The following POC5 variants were observed in gnomAD, a reference collection of about 807,000 sequenced individuals.
POC5 encodes centrosomal protein POC5.
A neutral mutation model predicts 62.9 loss-of-function variants in POC5; 48 were observed. The observed-to-expected ratio is 0.76, with a 90% confidence interval of 0.61 to 0.97. The LOEUF (loss-of-function observed/expected upper bound fraction) is 0.97, where lower values mean the gene tolerates loss of function less well. Among genes scored for constraint, POC5 ranks in the 50% least tolerant of loss-of-function variants. POC5 has a pLI of 0.00. For synonymous variants in POC5, 236 were observed against 228.2 expected, an observed-to-expected ratio of 1.03 and a Z score of -0.31; for missense variants, 696 against 679.5, an observed-to-expected ratio of 1.02 and a Z score of -0.27.
At chr5:75,695,863 C>A (rs1042184707) in intron 5 of POC5, among the ~76,000 whole-genome samples, 1 of 152,006 alleles carries the variant, frequency 6.6e-6, no homozygotes, top group South Asian at 2.1e-4. Context: ...ATGCACCGTG[C>A]GCGAGGTGAA....
chr5:75,677,788 G>A lies in POC5; in HGVS notation c.1570C>T (p.His524Tyr), dbSNP rs1775726253. 7 of 1,607,680 alleles carry A rather than the reference G, an allele frequency of 4.4e-6. No individual in the cohort carries two copies. Among genetic ancestry groups the A allele is most frequent in the Non-Finnish European group, 5.9e-6 (7 of 1,177,112 alleles). The change falls in exon 11 of 12, where the codon CAT (histidine) becomes TAT (tyrosine). Residue 524 changes from histidine (H) to tyrosine (Y), a missense_variant. Physicochemically the swap from His to Tyr is moderately conservative, Grantham distance 83. Transcript: ENST00000428202. ...PMSSVVVEKH[H>Y]PVTVQTIPQA... ...TGTGGACTCACCACTGTGACTGGAT[G>A]ATGTTTTTCCACAACAACTGAGCTC...
Position 75,674,589 on chromosome 5 carries a change from A to G in POC5, c.1585-11T>C. On this transcript the variant is annotated splice_polypyrimidine_tract_variant and intron_variant, in intron 11 of 11. Coordinates refer to ENST00000428202, the MANE Select transcript of POC5 (RefSeq NM_001099271.2). ...TTGAGGAATGGTTTGCTGAAAAGAC[A>G]AAATTCTGCTTTAATAATATCCCAA... The G allele has an allele frequency of 1.2e-6, 2 of 1,613,230 alleles. No homozygotes were observed. The highest frequency in any genetic ancestry group is 1.7e-6 in the Non-Finnish European group (2 of 1,179,442).
intron 7 of POC5, 146 bp from the exon 8 acceptor site, chr5:75,690,708 G>A: frequency 1.3e-6 from 1 of 793,878 alleles, no homozygotes; most frequent in Non-Finnish European, 1.9e-6. Flanking sequence ...GCATATAGGA[G>A]AACAGGCTTA....
chr5:75,680,402 T>C (rs1775823294), intron 10 of POC5, among the ~76,000 whole-genome samples: 2 of 152,078 alleles, frequency 1.3e-5, no homozygotes, highest in Admixed American at 6.6e-5. Flanking sequence ...CAGCTCAGAA[T>C]TGCTTTAGAA....
chr5:75,699,140 C>G (rs1324145818), intron 5 of POC5, among the ~76,000 whole-genome samples: 1 of 152,122 alleles, frequency 6.6e-6, no homozygotes, highest in Non-Finnish European at 1.5e-5. Flanking sequence ...ACCAGAGGTA[C>G]AAGGAAGAAC....
At chr5:75,693,963 A>G (rs1038644247) in intron 6 of POC5, among the ~76,000 whole-genome samples, 1 of 152,220 alleles carries the variant, frequency 6.6e-6, no homozygotes, top group African/African-American at 2.4e-5. Flanking sequence ...GTGTTTATCA[A>G]TAAAATGAAG....
intron 10 of POC5, among the ~76,000 whole-genome samples, chr5:75,683,642 A>G (rs1775956249): frequency 6.6e-6 from 1 of 151,998 alleles, no homozygotes; most frequent in South Asian, 2.1e-4. Context: ...TGCAGAATAC[A>G]AGTTTAACAA....
Position 75,707,841 on chromosome 5 carries a change from A to C in POC5, c.119T>G (p.Val40Gly), listed in dbSNP as rs576819318. The C allele has an allele frequency of 4.4e-6, 7 of 1,591,550 alleles. No individual in the cohort carries two copies. In the East Asian group the frequency reaches 1.6e-4, roughly 36 times the overall value. Residue 40 changes from valine to glycine, a missense_variant, in exon 3 of 12, where the codon GTG (valine) becomes GGG (glycine). Transcript: ENST00000428202. The stretch of plus-strand genomic sequence containing the variant: ...AGCACAGGGTTCAATATTTGGAGTC[A>C]CTATAGCATAATGAAGCAGTTCTTC... ...EYEELLHYAI[V>G]TPNIEPCASQ... is the part of the protein sequence containing the mutation.
At position 75,685,092 on chromosome 5, in the gene POC5, C is replaced by T. The variant is rs190040487; in HGVS notation, c.1407+115G>A. On this transcript the variant is annotated intron_variant, in intron 10 of 11. Coordinates refer to ENST00000428202, the MANE Select transcript of POC5 (RefSeq NM_001099271.2). The stretch of plus-strand genomic sequence containing the variant: ...CCGTGTTAGCCAGGATGGTCTCGAT[C>T]TCCTGACCTCGTGATCCACCTGCCT... 6,269 of 1,123,720 alleles carry T rather than the reference C, an allele frequency of 5.6e-3. 38 individuals are homozygous for T. The highest frequency in any genetic ancestry group is 7.1e-3 in the Non-Finnish European group (5,675 of 799,298). The allele number at this position is 1,123,720 out of a possible 1,614,324, so 69.6% of individuals were successfully genotyped here.
chr5:75,712,688 A>G lies in POC5; in HGVS notation c.84+166T>C, dbSNP rs1777399849. On this transcript the variant is annotated intron_variant, in intron 2 of 11. Transcript: ENST00000428202. The stretch of plus-strand genomic sequence containing the variant: ...TTTCTGAAAAGTTAAAACAATGTAA[A>G]GTCACTCCTAAAATGTGTACAGTAA... The G allele has an allele frequency of 9.6e-6, 7 of 725,538 alleles. No individual in the cohort carries two copies. In the South Asian group the frequency reaches 1.1e-4, roughly 11 times the overall value. 44.9% of individuals were successfully genotyped at this position (725,538 alleles called of 1,614,324 possible).
Position 75,689,475 on chromosome 5 carries a change from T to A in POC5, c.976-310A>T, listed in dbSNP as rs1052421035. On this transcript the variant is annotated intron_variant, in intron 8 of 11. Coordinates refer to ENST00000428202, the MANE Select transcript of POC5 (RefSeq NM_001099271.2). ...ACCATTTTTTACTGTAAAACTTTTA[T>A]GTAGGATGTTAAACAAAATACATTA... The A allele has an allele frequency of 1.1e-5, 11 of 984,116 alleles. 1 individual carries two copies. Among genetic ancestry groups the A allele is most frequent in the Non-Finnish European group, 1.2e-5 (10 of 828,828 alleles). The allele number at this position is 984,116 out of a possible 1,614,324, so 61.0% of individuals were successfully genotyped here.
At chr5:75,716,984 C>G (rs555070046) in intron 1 of POC5, among the ~76,000 whole-genome samples, 1 of 152,232 alleles carries the variant, frequency 6.6e-6, no homozygotes, top group Non-Finnish European at 1.5e-5. Context: ...TTTCTTCCAT[C>G]ACCTTCCGAC....
rs369367879 is a variant in POC5 at position 75,712,885 on chromosome 5, C to G, written c.53G>C (p.Ser18Thr). Residue 18 changes from serine (S) to threonine (T), a missense_variant, in exon 2 of 12, where the codon AGT (serine) becomes ACT (threonine). By Grantham distance (58) the Ser-to-Thr change is moderately conservative. Coordinates refer to ENST00000428202, the MANE Select transcript of POC5 (RefSeq NM_001099271.2). ...ATTCGAAGAGACAGAACTGCCTCGA[C>G]TGGAGTCATTTTGCACAACTGGAAG... ...YSLPVVQNDS[S>T]RGSSVSSNLQ... The G allele has an allele frequency of 6.2e-6, 10 of 1,612,390 alleles. No individual in the cohort carries two copies. In the African/African-American group the frequency reaches 1.2e-4, roughly 19 times the overall value.
chr5:75,697,830 G>T (rs1016223227), intron 5 of POC5, among the ~76,000 whole-genome samples: 5 of 149,402 alleles, frequency 3.3e-5, no homozygotes, highest in Non-Finnish European at 6.0e-5. Flanking sequence ...CCCATCTCAC[G>T]GGCAGAGACA....
At position 75,689,106 on chromosome 5, in the gene POC5, C is replaced by T. The variant is rs1313498885; in HGVS notation, c.1035G>A (p.Glu345=). ...CTTTTTTCATGGAATCTTCAAAGTG[C>T]TCTTTTTCATGTTGCATTCTTTGAA... The part of the protein sequence containing the change: ...AEIQRMQHEK[E]HFEDSMKKAF... The change falls in exon 9 of 12, where the codon GAG becomes GAA. Residue 345 remains glutamate (E), a synonymous_variant. Coordinates refer to ENST00000428202, the MANE Select transcript of POC5 (RefSeq NM_001099271.2). The T allele has an allele frequency of 6.3e-7, 1 of 1,593,710 alleles. No homozygotes were observed. The highest frequency in any genetic ancestry group is 2.2e-5 in the East Asian group (1 of 44,500).
intron 10 of POC5, among the ~76,000 whole-genome samples, chr5:75,679,863 TATAAAC>T (rs1346809306): frequency 1.3e-5 from 2 of 152,102 alleles, no homozygotes; most frequent in Non-Finnish European, 2.9e-5. Flanking sequence ...GAAATAATGA[TATAAAC>T]ATACTATTTA....
intron 11 of POC5, among the ~76,000 whole-genome samples, chr5:75,676,302 A>C (rs2112062784): frequency 6.6e-6 from 1 of 152,298 alleles, no homozygotes; most frequent in South Asian, 2.1e-4. Flanking sequence ...CATTTTTGAT[A>C]ACTTGTCTTC....
rs370331293 is a variant in POC5, at chr5:75,712,444, G to A, written c.84+410C>T. On this transcript the variant is annotated intron_variant, in intron 2 of 11. Transcript: ENST00000428202. Reference sequence around the variant, plus strand: ...TTGTACTGAATGTTGTGACAACAGAGACCAAACCTCAGCAAGTAGAACACA... The same window carrying A: ...TTGTACTGAATGTTGTGACAACAGAAACCAAACCTCAGCAAGTAGAACACA... 2.5e-6 allele frequency: 4 copies of A among 1,611,024 alleles called. No homozygotes were observed. In the African/African-American group the frequency reaches 5.3e-5, roughly 22 times the overall value.
At chr5:75,706,749 C>T (rs991748391) in intron 3 of POC5, among the ~76,000 whole-genome samples, 1 of 151,944 alleles carries the variant, frequency 6.6e-6, no homozygotes, top group Non-Finnish European at 1.5e-5. Context: ...TAGGGTTTTG[C>T]TATGTTGCCT....
Sources: gnomAD v4.1 joint callset for allele counts (sites outside exome capture counted in the v4.1 genomes callset) on GRCh38, gnomAD v4.1.1 for gene constraint, MANE v1.5 for transcripts, NCBI Gene and HGNC (gene_info 2026-07-23, HGNC 2026-07-21) for gene names.